Variants in CDH12 observed in about 807,000 individuals in gnomAD.
The protein encoded by CDH12 is cadherin 12, also known as cadherin-12.
Under a neutral mutation model 74.1 loss-of-function variants are expected in CDH12, and 41 were observed. That is an observed-to-expected ratio of 0.55 (90% CI 0.43 to 0.72). CDH12 has a LOEUF of 0.72. CDH12 is among the 30% of genes least tolerant of loss of function. The pLI, the probability that CDH12 is intolerant of heterozygous loss-of-function variation, is 0.00. For synonymous variants in CDH12, 399 were observed against 355.0 expected (o/e 1.12, Z -1.39); for missense variants, 945 against 977.2 (o/e 0.97, Z 0.44).
At chr5:22,050,558 A>C (rs2150193688) in intron 5 of CDH12, among the ~76,000 whole-genome samples, 1 of 152,276 alleles carries the variant, frequency 6.6e-6, no homozygotes, top group African/African-American at 2.4e-5. Context: ...TCTAAAAGTT[A>C]GATACTTCTA....
At chr5:22,410,804 T>C (rs1743140655) in intron 2 of CDH12, among the ~76,000 whole-genome samples, 2 of 152,106 alleles carry the variant, frequency 1.3e-5, no homozygotes, top group East Asian at 1.9e-4. Flanking sequence ...AGATTTTGTA[T>C]GTTAAATTTT....
chr5:22,152,164 T>C (rs1747635913), intron 4 of CDH12: 1 of 152,002 alleles, frequency 6.6e-6, no homozygotes, highest in African/African-American at 2.4e-5. Flanking sequence ...ATGAAGCCAC[T>C]GCTGGGCTCC....
At chr5:22,156,943 T>C (rs1178818940) in intron 4 of CDH12, among the ~76,000 whole-genome samples, 1 of 152,156 alleles carries the variant, frequency 6.6e-6, no homozygotes, top group Admixed American at 6.6e-5. Flanking sequence ...GTTTTCTTTA[T>C]AACCAGAGGG....
intron 1 of CDH12, among the ~76,000 whole-genome samples, chr5:22,696,078 T>C (rs563793748): frequency 2.0e-5 from 3 of 152,244 alleles, no homozygotes; most frequent in Non-Finnish European, 2.9e-5. Context: ...CTTAAAAACA[T>C]TATTTTTCAG....
chr5:22,585,886 TTGG>T (rs1038755152), intron 1 of CDH12, among the ~76,000 whole-genome samples: 6 of 152,182 alleles, frequency 3.9e-5, no homozygotes, highest in African/African-American at 1.4e-4. Flanking sequence ...TTTTACACTG[TTGG>T]TGGGACTGTT....
chr5:22,223,616 T>G (rs2150370150), intron 3 of CDH12, among the ~76,000 whole-genome samples: 1 of 152,172 alleles, frequency 6.6e-6, no homozygotes, highest in Non-Finnish European at 1.5e-5. Flanking sequence ...ACTTGAGGCA[T>G]TCTTATGACA....
chr5:21,908,424 G>A (rs1320338325), intron 6 of CDH12, among the ~76,000 whole-genome samples: 1 of 152,156 alleles, frequency 6.6e-6, no homozygotes, highest in East Asian at 1.9e-4. Context: ...CAATCTGTGA[G>A]TCCAGCTGTG....
intron 3 of CDH12, among the ~76,000 whole-genome samples, chr5:22,334,436 C>A (rs970660287): frequency 1.3e-5 from 2 of 151,964 alleles, no homozygotes; most frequent in African/African-American, 4.8e-5. Flanking sequence ...CTACCCAAAG[C>A]AATCTACAGA....
intron 12 of CDH12, among the ~76,000 whole-genome samples, chr5:21,761,619 A>T (rs904514610): frequency 2.0e-5 from 3 of 152,126 alleles, no homozygotes; most frequent in Non-Finnish European, 4.4e-5. Flanking sequence ...CACTGATGCT[A>T]TTAAACGTGA....
intron 1 of CDH12, among the ~76,000 whole-genome samples, chr5:22,537,944 G>C (rs1190562350): frequency 6.6e-6 from 1 of 152,188 alleles, no homozygotes; most frequent in Non-Finnish European, 1.5e-5. Context: ...CCTGGGCACT[G>C]CTGACATTTT....
intron 6 of CDH12, among the ~76,000 whole-genome samples, chr5:21,898,411 A>G (rs183885972): frequency 3.9e-5 from 6 of 152,122 alleles, no homozygotes; most frequent in Admixed American, 1.3e-4. Flanking sequence ...TAAAAAATCT[A>G]TTTGAGAAAG....
chr5:22,776,155 G>A (rs1580989043), intron 1 of CDH12, among the ~76,000 whole-genome samples: 1 of 152,122 alleles, frequency 6.6e-6, no homozygotes, highest in Non-Finnish European at 1.5e-5. Context: ...GGAACGGTCA[G>A]CATGTACATG....
At chr5:22,114,374 C>T (rs1301742620) in intron 4 of CDH12, among the ~76,000 whole-genome samples, 1 of 152,004 alleles carries the variant, frequency 6.6e-6, no homozygotes, top group Non-Finnish European at 1.5e-5. Context: ...TTAGTCTTTA[C>T]TCTGGGCATA....
At chr5:22,806,460 C>G (rs890454325) in intron 1 of CDH12, among the ~76,000 whole-genome samples, 5 of 150,676 alleles carry the variant, frequency 3.3e-5, no homozygotes, top group African/African-American at 1.2e-4. Context: ...TCACGCCATT[C>G]TCCTGCCTCA....
intron 3 of CDH12, among the ~76,000 whole-genome samples, chr5:22,232,321 T>A (rs1226754834): frequency 1.3e-5 from 2 of 151,940 alleles, no homozygotes; most frequent in African/African-American, 4.8e-5. Context: ...TTTTGAAGTA[T>A]TTCTTAGATG....
intron 1 of CDH12, among the ~76,000 whole-genome samples, chr5:22,653,086 T>G (rs1158576349): frequency 6.6e-6 from 1 of 152,154 alleles, no homozygotes; most frequent in Non-Finnish European, 1.5e-5. Flanking sequence ...TGATATGTCT[T>G]AGTCATATAG....
intron 1 of CDH12, among the ~76,000 whole-genome samples, chr5:22,637,804 A>T (rs1171970369): frequency 6.6e-6 from 1 of 152,234 alleles, no homozygotes; most frequent in Non-Finnish European, 1.5e-5. Context: ...AGTTACTATG[A>T]AATTCAGTGA....
At chr5:22,498,654 T>C (rs1187240780) in intron 2 of CDH12, among the ~76,000 whole-genome samples, 1 of 151,910 alleles carries the variant, frequency 6.6e-6, no homozygotes, top group African/African-American at 2.4e-5. Flanking sequence ...ACATATGATA[T>C]ATAATATTAT....
chr5:22,327,043 G>A (rs909422623), intron 3 of CDH12, among the ~76,000 whole-genome samples: 3 of 151,832 alleles, frequency 2.0e-5, no homozygotes, highest in African/African-American at 4.8e-5. Flanking sequence ...TGGCCATTTC[G>A]TTTCATAGTG....
Sources: gnomAD v4.1 joint callset for allele counts (sites outside exome capture counted in the v4.1 genomes callset) on GRCh38, gnomAD v4.1.1 for gene constraint, MANE v1.5 for transcripts, NCBI Gene and HGNC (gene_info 2026-07-23, HGNC 2026-07-21) for gene names.